Variants in CLCN1 observed in about 807,000 individuals in gnomAD.
CLCN1 encodes the protein chloride voltage-gated channel 1, also known as chloride channel protein 1.
Under a neutral mutation model 114.5 loss-of-function variants are expected in CLCN1, and 100 were observed. The observed-to-expected ratio is 0.87, with a 90% CI of 0.74 to 1.03. The LOEUF is 1.03. Ranked by LOEUF, CLCN1 falls within the 50% of genes least tolerant of loss-of-function variation. The pLI, the probability that CLCN1 is intolerant of heterozygous loss-of-function variation, is 0.00. For synonymous variants in CLCN1, 485 were observed against 487.1 expected, an observed-to-expected ratio of 1.00 and a Z score of 0.06; for missense variants, 1,188 against 1,250.0, an observed-to-expected ratio of 0.95 and a Z score of 0.75.
intron 10 of CLCN1, 75 bp from the exon 11 acceptor site, chr7:143,332,344 C>T (rs1802747256): frequency 1.8e-6 from 2 of 1,093,782 alleles, no homozygotes; most frequent in Non-Finnish European, 2.8e-6. Flanking sequence ...AAGGAAACTT[C>T]AGCTTGCCAT....
At chr7:143,332,355 C>T (rs1802747436) in intron 10 of CLCN1, 64 bp from the exon 11 acceptor site, 5 of 1,198,028 alleles carry the variant, frequency 4.2e-6, no homozygotes, top group East Asian at 4.7e-5. Flanking sequence ...AGCTTGCCAT[C>T]GTTCAGTATG....
At position 143,333,299 on chromosome 7, in the gene CLCN1, T is replaced by TC. The variant is rs1802781029; in HGVS notation, c.1401+427dup. On this transcript the variant is annotated intron_variant, in intron 12 of 22. Coordinates refer to ENST00000343257, the MANE Select transcript of CLCN1 (RefSeq NM_000083.3). Reference sequence around the variant, plus strand: ...CTGGGTGACAGAGTGTGATTCTGTCTCAAAAAAAAAAAAAAAAATTATAGA... The same window carrying TC: ...CTGGGTGACAGAGTGTGATTCTGTCTCCAAAAAAAAAAAAAAAAATTATAGA... Among the ~76,000 whole-genome samples, 4 of 114,136 alleles carry TC rather than the reference T, an allele frequency of 3.5e-5. No individual in the cohort carries two copies. The South Asian group carries it at 1.1e-3, about 32-fold the overall frequency. 74.9% of individuals were successfully genotyped at this position (114,136 alleles called of 152,430 possible). A position where few individuals can be genotyped will look rare whatever the true frequency, so the allele number is the denominator to read the frequency against.
In CLCN1 at chr7:143,331,376, G is replaced by T. The variant is rs931665440; in HGVS notation, c.1064+60G>T. 6 of 1,324,164 alleles carry T rather than the reference G, an allele frequency of 4.5e-6. No homozygotes were observed. The African/African-American group carries it at 8.7e-5, about 19-fold the overall frequency. The allele number at this position is 1,324,164 out of a possible 1,614,324, so 82.0% of individuals were successfully genotyped here. ...AGGGTGTGGAGTGAGGCTGTAGATT[G>T]GAAGGGACCCAAGCTAGAAAGAAGG... On this transcript the variant is annotated intron_variant, in intron 9 of 22. Coordinates refer to ENST00000343257, the MANE Select transcript of CLCN1 (RefSeq NM_000083.3).
At chr7:143,323,695 C>T (rs924214447) in intron 6 of CLCN1, 5 of 548,680 alleles carry the variant, frequency 9.1e-6, no homozygotes, top group Admixed American at 8.9e-5. Context: ...GTTAGTTTCC[C>T]TCCACGTTTC....
Position 143,339,748 on chromosome 7 carries a change from A to C in CLCN1, c.1582+127A>C. On this transcript the variant is annotated intron_variant, in intron 14 of 22. Coordinates refer to ENST00000343257, the MANE Select transcript of CLCN1 (RefSeq NM_000083.3). The surrounding 1 kb of genome is among the most constrained non-coding windows in gnomAD (Gnocchi z 4.1). ...TTTTAATTTAGTGCTACTTAACTCA[A>C]CTTTTACTCAGATAACATACCCATG... 1.4e-6 allele frequency: 1 copy of C among 715,536 alleles called. No individual in the cohort carries two copies. Among genetic ancestry groups the C allele is most frequent in the Non-Finnish European group, 2.5e-6 (1 of 394,156 alleles). 44.3% of individuals were successfully genotyped at this position (715,536 alleles called of 1,614,324 possible). A position where few individuals can be genotyped will look rare whatever the true frequency, so the allele number is the denominator to read the frequency against.
intron 1 of CLCN1, among the ~76,000 whole-genome samples, chr7:143,317,782 C>T (rs547078622): frequency 1.3e-5 from 2 of 152,152 alleles, no homozygotes; most frequent in East Asian, 1.9e-4. Context: ...AGGCTGGAAT[C>T]GAGCATTGGG....
At position 143,324,451 on chromosome 7, in the gene CLCN1, G is replaced by C; in HGVS notation, c.812G>C (p.Cys271Ser). 3.1e-6 allele frequency: 5 copies of C among 1,613,986 alleles called. No individual in the cohort carries two copies. Among genetic ancestry groups the C allele is most frequent in the Non-Finnish European group, 4.2e-6 (5 of 1,179,980 alleles). The change falls in exon 7 of 23, where the codon TGT becomes TCT. Residue 271 changes from cysteine to serine, a missense_variant. Cys to Ser is a moderately radical substitution (Grantham distance 112, BLOSUM62 -1). Coordinates refer to ENST00000343257, the MANE Select transcript of CLCN1 (RefSeq NM_000083.3). The surrounding 1 kb of genome is among the most constrained non-coding windows in gnomAD (Gnocchi z 4.6). Reference protein sequence around the residue: ...YYYSDILTVGCAVGVGCCFGT... With the variant: ...YYYSDILTVGSAVGVGCCFGT... ...TACTCTGATATCCTGACGGTGGGCTGTGCTGTGGGAGTCGGCTGTTGTTTT... is the reference window on the plus strand; with the variant it reads ...TACTCTGATATCCTGACGGTGGGCTCTGCTGTGGGAGTCGGCTGTTGTTTT...
intron 1 of CLCN1, among the ~76,000 whole-genome samples, chr7:143,319,437 T>A (rs1380370912): frequency 6.6e-6 from 1 of 152,066 alleles, no homozygotes; most frequent in Non-Finnish European, 1.5e-5. Context: ...GCCACCTGGG[T>A]TCAGCACAGT....
At chr7:143,344,844 G>A (rs73456447) in intron 16 of CLCN1, among the ~76,000 whole-genome samples, 20,004 of 149,350 alleles carry the variant, frequency 0.13, 1,612 homozygotes, top group South Asian at 0.26. Context: ...TCTGCCTCCC[G>A]GGTTCAAGCG....
chr7:143,317,234 T>C (rs112751987), intron 1 of CLCN1, among the ~76,000 whole-genome samples: 4 of 151,102 alleles, frequency 2.6e-5, no homozygotes, highest in African/African-American at 9.8e-5. Flanking sequence ...TAGAGGGCAG[T>C]TGGCCAGAAC....
Position 143,316,196 on chromosome 7 carries a change from G to A in CLCN1, c.-17G>A. The A allele has an allele frequency of 6.2e-7, 1 of 1,607,476 alleles. No homozygotes were observed. Among genetic ancestry groups the A allele is most frequent in the South Asian group, 1.1e-5 (1 of 91,014 alleles). ...GCAAGCAGGCCAAGGCCTGGCCGGG[G>A]CTCGGGGGGAGGGAATATGGAGCAA... On this transcript the variant is annotated 5_prime_UTR_variant, in exon 1 of 23. Transcript: ENST00000343257.
At chr7:143,323,670 T>G in intron 6 of CLCN1, 5 of 591,256 alleles carry the variant, frequency 8.5e-6, no homozygotes, top group East Asian at 4.0e-5. Context: ...TGCTAGTCCA[T>G]ACCACCCCCT....
At position 143,345,649 on chromosome 7, in the gene CLCN1, G is replaced by A; in HGVS notation, c.2059G>A (p.Asp687Asn). 1 of 1,566,322 alleles carries A rather than the reference G, an allele frequency of 6.4e-7. No individual in the cohort carries two copies. The highest frequency in any genetic ancestry group is 1.2e-5 in the South Asian group (1 of 85,260). ...MARKLSELPY[D>N]GKARLAGEGL... ...GCGGAAGTTGTCGGAGCTGCCTTAC[G>A]ACGGGAAGGCGCGGCTGGCTGGGGA... The change falls in exon 17 of 23, where the codon GAC (aspartate) becomes AAC (asparagine). Residue 687 changes from aspartate (D) to asparagine (N), a missense_variant. Asp to Asn is a conservative substitution (Grantham distance 23). Coordinates refer to ENST00000343257, the MANE Select transcript of CLCN1 (RefSeq NM_000083.3).
intron 1 of CLCN1, 73 bp from the exon 2 acceptor site, chr7:143,319,681 CT>C: frequency 6.7e-7 from 1 of 1,489,832 alleles, no homozygotes; most frequent in Non-Finnish European, 9.4e-7. Flanking sequence ...TTCTGTGAGT[CT>C]GTCTGCTGGC....
intron 7 of CLCN1, among the ~76,000 whole-genome samples, chr7:143,329,254 C>G (rs6949137): frequency 0.059 from 8,909 of 152,276 alleles, 922 homozygotes; most frequent in African/African-American, 0.2. Flanking sequence ...GCGTGAGCCA[C>G]CACGCCTGGC....
chr7:143,323,039 C>A (rs1802482757), intron 5 of CLCN1, among the ~76,000 whole-genome samples: 1 of 152,212 alleles, frequency 6.6e-6, no homozygotes, highest in African/African-American at 2.4e-5. Flanking sequence ...TCATTCAAAG[C>A]TCTACTTTAG....
At chr7:143,340,486 C>G (rs1006025041) in intron 14 of CLCN1, among the ~76,000 whole-genome samples, 1 of 151,666 alleles carries the variant, frequency 6.6e-6, no homozygotes, top group Admixed American at 6.6e-5. Context: ...CTTGGTTGCT[C>G]TCTCCCTTTC....
chr7:143,322,124 T>C (rs1349611134), intron 5 of CLCN1, among the ~76,000 whole-genome samples: 1 of 152,222 alleles, frequency 6.6e-6, no homozygotes, highest in Non-Finnish European at 1.5e-5. Flanking sequence ...GGCTGTTCTG[T>C]GCAGTGGAGG....
rs1002442706 is a variant in CLCN1 at position 143,339,009 on chromosome 7, C to T, written c.1402-244C>T. 6.6e-6 allele frequency among the ~76,000 whole-genome samples: 1 copy of T among 152,104 alleles called. No homozygotes were observed. Among genetic ancestry groups the T allele is most frequent in the Admixed American group, 6.6e-5 (1 of 15,266 alleles). ...TTGCTGAAAGGCAAATACAGGCACT[C>T]AAAGTAGAAGGGATTTGGTCTAGCC... On this transcript the variant is annotated intron_variant, in intron 12 of 22. Transcript: ENST00000343257. The surrounding 1 kb of genome is among the most constrained non-coding windows in gnomAD (Gnocchi z 4.1).
Sources: allele counts gnomAD v4.1 joint callset (sites outside exome capture counted in the v4.1 genomes callset), GRCh38; gene constraint gnomAD v4.1.1; non-coding constraint Gnocchi (gnomAD v3.1); transcripts MANE v1.5; gene names NCBI Gene and HGNC (gene_info 2026-07-23, HGNC 2026-07-21).